The following PCDHA7 variants were observed in gnomAD, a reference collection of about 807,000 sequenced individuals.
The protein encoded by PCDHA7 is protocadherin alpha-7.
Under a neutral mutation model 57.2 loss-of-function variants are expected in PCDHA7, and 37 were observed. The ratio of observed to expected loss-of-function variants is 0.65; its 90% CI spans 0.50 to 0.85. The LOEUF is 0.85. Ranked by LOEUF, PCDHA7 falls within the 40% of genes least tolerant of loss-of-function variation. PCDHA7 has a pLI of 0.00. For missense variants in PCDHA7, 1,188 were observed against 1,241.8 expected, an observed-to-expected ratio of 0.96 and a Z score of 0.65; for synonymous variants, 553 against 558.8, an observed-to-expected ratio of 0.99 and a Z score of 0.15.
In PCDHA7 at chr5:140,985,229, G is replaced by T. The variant is rs903728570; in HGVS notation, c.2503+2666G>T. ...TGGGATTACAGGCGTGAGCCACCGC[G>T]CCTGGCCTAATCTTCTTACTCTTTT... On this transcript the variant is annotated intron_variant, in intron 3 of 3. Transcript: ENST00000525929. 3.9e-5 allele frequency among the ~76,000 whole-genome samples: 6 copies of T among 152,216 alleles called. No homozygotes were observed. The South Asian group carries it at 6.2e-4, about 16-fold the overall frequency.
intron 1 of PCDHA7, among the ~76,000 whole-genome samples, chr5:140,960,222 A>G (rs1364451029): frequency 2.6e-5 from 4 of 152,206 alleles, no homozygotes; most frequent in African/African-American, 9.6e-5. Flanking sequence ...ATCTCAAGAA[A>G]CAGAGCCATG....
At chr5:140,965,066 G>A (rs931765352) in intron 1 of PCDHA7, among the ~76,000 whole-genome samples, 3 of 152,164 alleles carry the variant, frequency 2.0e-5, no homozygotes, top group Non-Finnish European at 4.4e-5. Flanking sequence ...CAAATGTCAG[G>A]TCTCACTCTG....
chr5:140,835,766 G>A lies in PCDHA7; in HGVS notation c.1383G>A (p.Thr461=). ...CGGCGTTCGCGCAGCCCGAGTATACGGTGTTCGTGAAGGAGAACAACCCGC... is the reference window on the plus strand; with the variant it reads ...CGGCGTTCGCGCAGCCCGAGTATACAGTGTTCGTGAAGGAGAACAACCCGC... ...NAPAFAQPEY[T]VFVKENNPPG... The change falls in exon 1 of 4, where the codon ACG becomes ACA. Residue 461 remains threonine, a synonymous_variant. Coordinates refer to ENST00000525929, the MANE Select transcript of PCDHA7 (RefSeq NM_018910.3). 1.2e-6 allele frequency: 2 copies of A among 1,613,386 alleles called. No individual in the cohort carries two copies. The highest frequency in any genetic ancestry group is 1.7e-6 in the Non-Finnish European group (2 of 1,179,796).
At chr5:140,905,787 G>A (rs1468265319) in intron 1 of PCDHA7, among the ~76,000 whole-genome samples, 1 of 152,012 alleles carries the variant, frequency 6.6e-6, no homozygotes, top group Non-Finnish European at 1.5e-5. Context: ...TATTAGTCAG[G>A]GTTCTCTAGA....
chr5:140,941,284 TTCTC>T (rs1234192371), intron 1 of PCDHA7, among the ~76,000 whole-genome samples: 2 of 124,572 alleles, frequency 1.6e-5, no homozygotes, highest in African/African-American at 2.8e-5. Flanking sequence ...CTTCCTTCCT[TTCTC>T]TTTCTTTCTT....
intron 1 of PCDHA7, among the ~76,000 whole-genome samples, chr5:140,879,010 G>C (rs2057809352): frequency 6.6e-6 from 1 of 152,200 alleles, no homozygotes; most frequent in Non-Finnish European, 1.5e-5. Context: ...CTAGAAATCA[G>C]ATAATGTTTT....
intron 1 of PCDHA7, chr5:140,876,072 GGA>G: frequency 1.2e-6 from 2 of 1,613,902 alleles, no homozygotes; most frequent in Non-Finnish European, 8.5e-7. Flanking sequence ...GGAAGTTATT[GGA>G]CAGAGAGCAA....
Position 140,836,622 on chromosome 5 carries a change from A to G in PCDHA7, c.2239A>G (p.Ser747Gly). ...PTLVCSSAVG[S>G]WSFSQQRRQR... ...TCTGGTGTGCTCCAGCGCGGTGGGG[A>G]GCTGGTCATTCTCCCAGCAGAGGCG... Residue 747 changes from serine to glycine, a missense_variant, in exon 1 of 4, where the codon AGC (serine) becomes GGC (glycine). By Grantham distance (56) the Ser-to-Gly change is moderately conservative. Transcript: ENST00000525929. 1 of 1,613,448 alleles carries G rather than the reference A, an allele frequency of 6.2e-7. No individual in the cohort carries two copies. Among genetic ancestry groups the G allele is most frequent in the Non-Finnish European group, 8.5e-7 (1 of 1,179,692 alleles).
chr5:140,922,074 CA>C (rs1554200639), intron 1 of PCDHA7, among the ~76,000 whole-genome samples: 1 of 151,892 alleles, frequency 6.6e-6, no homozygotes, highest in Non-Finnish European at 1.5e-5. Flanking sequence ...TCCCACTAAG[CA>C]AAAAGTGGTA....
At chr5:140,871,273 G>T in intron 1 of PCDHA7, 3 of 1,613,916 alleles carry the variant, frequency 1.9e-6, no homozygotes, top group Non-Finnish European at 2.5e-6. Flanking sequence ...GTGGTGGTCG[G>T]CAACGCCCAC....
chr5:140,926,680 A>C (rs2153583997), intron 1 of PCDHA7: 1 of 637,102 alleles, frequency 1.6e-6, no homozygotes, highest in Non-Finnish European at 2.4e-6. Flanking sequence ...CCCAGCCTCC[A>C]GCCTAGCAAG....
chr5:140,888,003 A>G (rs1187660261), intron 1 of PCDHA7, among the ~76,000 whole-genome samples: 1 of 152,112 alleles, frequency 6.6e-6, no homozygotes, highest in African/African-American at 2.4e-5. Context: ...CCGAATAGTC[A>G]TCTTTTTATC....
At chr5:140,962,601 C>T (rs1227208523) in intron 1 of PCDHA7, among the ~76,000 whole-genome samples, 1 of 152,160 alleles carries the variant, frequency 6.6e-6, no homozygotes, top group African/African-American at 2.4e-5. Context: ...TGATATATTT[C>T]TTCTGGAGGA....
At chr5:140,920,000 A>T (rs1486623735) in intron 1 of PCDHA7, among the ~76,000 whole-genome samples, 1 of 152,178 alleles carries the variant, frequency 6.6e-6, no homozygotes, top group Non-Finnish European at 1.5e-5. Flanking sequence ...GACACAGAGG[A>T]AAAGGCCATG....
At chr5:141,005,479 G>A (rs371636060) in intron 3 of PCDHA7, among the ~76,000 whole-genome samples, 43 of 151,818 alleles carry the variant, frequency 2.8e-4, no homozygotes, top group Non-Finnish European at 2.6e-4. Context: ...CGAGACGGGC[G>A]GATCATGAGG....
At chr5:140,927,248 A>G in intron 1 of PCDHA7, 1 of 1,614,064 alleles carries the variant, frequency 6.2e-7, no homozygotes. Flanking sequence ...GACACCAATG[A>G]CAACTCACCT....
chr5:140,938,928 T>G (rs1220764640), intron 1 of PCDHA7, among the ~76,000 whole-genome samples: 2 of 152,104 alleles, frequency 1.3e-5, no homozygotes, highest in African/African-American at 4.8e-5. Flanking sequence ...AAATTGGCTT[T>G]TAACTTTCCA....
Position 140,835,905 on chromosome 5 carries a change from G to T in PCDHA7, c.1522G>T (p.Val508Leu), listed in dbSNP as rs1270383213. 2 of 1,612,070 alleles carry T rather than the reference G, an allele frequency of 1.2e-6. No homozygotes were observed. The highest frequency in any genetic ancestry group is 1.7e-5 in the Admixed American group (1 of 59,990). ...RVGERALSSY[V>L]SVHAESGKVY... ...GGGCGAGCGCGCGCTGTCGAGCTACGTGTCAGTGCACGCGGAGAGCGGCAA... is the reference window on the plus strand; with the variant it reads ...GGGCGAGCGCGCGCTGTCGAGCTACTTGTCAGTGCACGCGGAGAGCGGCAA... The change falls in exon 1 of 4, where the codon GTG (valine) becomes TTG (leucine). Residue 508 changes from valine to leucine, a missense_variant. Around this residue, in one of 3 missense-constraint regions of PCDHA7, gnomAD observed 892 missense variants for 788.5 expected, o/e 1.13. Transcript: ENST00000525929.
chr5:140,999,747 C>T (rs2097874058), intron 3 of PCDHA7, among the ~76,000 whole-genome samples: 1 of 152,008 alleles, frequency 6.6e-6, no homozygotes, highest in East Asian at 1.9e-4. Flanking sequence ...AATCTGGGTT[C>T]GCAGCACATG....
Sources: gnomAD v4.1 joint callset for allele counts (sites outside exome capture counted in the v4.1 genomes callset) on GRCh38, gnomAD v4.1.1 for gene constraint, gnomAD v4.1.1 regional missense constraint, MANE v1.5 for transcripts, NCBI Gene and HGNC (gene_info 2026-07-23, HGNC 2026-07-21) for gene names.